SYBU: variants seen among roughly 807,000 people sequenced by gnomAD.
SYBU encodes the protein GOLSYN A protein.
A neutral mutation model predicts 35.9 loss-of-function variants in SYBU; 21 were observed. The observed-to-expected ratio is 0.58, with a 90% CI of 0.41 to 0.84. SYBU has a LOEUF of 0.84. SYBU is among the 40% of genes least tolerant of loss of function. The pLI is 0.00. For missense variants in SYBU, 768 were observed against 848.2 expected (o/e 0.91, Z 1.17); for synonymous variants, 319 against 324.3 (o/e 0.98, Z 0.18).
chr8:109,643,833 T>C (rs1563757855), intron 1 of SYBU, among the ~76,000 whole-genome samples: 1 of 152,190 alleles, frequency 6.6e-6, no homozygotes, highest in Non-Finnish European at 1.5e-5. Flanking sequence ...GTAGAGATGC[T>C]TAGGCAATTC....
At chr8:109,603,440 A>C (rs1429611327) in intron 3 of SYBU, 6 of 983,902 alleles carry the variant, frequency 6.1e-6, no homozygotes, top group Non-Finnish European at 7.2e-6. Context: ...TCTCACTCTC[A>C]GTGACATCTG....
At chr8:109,687,770 G>T (rs764882811) in intron 1 of SYBU, among the ~76,000 whole-genome samples, 10 of 152,126 alleles carry the variant, frequency 6.6e-5, no homozygotes, top group Non-Finnish European at 1.5e-4. Flanking sequence ...ATGTCACATG[G>T]TATTATTATA....
chr8:109,682,043 T>C (rs1425301650), upstream of SYBU, among the ~76,000 whole-genome samples: 1 of 152,200 alleles, frequency 6.6e-6, no homozygotes, highest in African/African-American at 2.4e-5. Flanking sequence ...CATCCAAAAC[T>C]GTGAGTCAAT....
rs142804732 is a variant in SYBU at position 109,591,942 on chromosome 8, C to T, written c.428-5780G>A. Reference sequence around the variant, plus strand: ...GCTCCTCTACTTGCTCTCTGTGGTGCCTTGAGGAATGAATTTACCCTCTCT... The same window carrying T: ...GCTCCTCTACTTGCTCTCTGTGGTGTCTTGAGGAATGAATTTACCCTCTCT... On this transcript the variant is annotated intron_variant, in intron 3 of 6. Coordinates refer to ENST00000276646, the MANE Select transcript of SYBU (RefSeq NM_001099754.2). Among the ~76,000 whole-genome samples, 228 of 151,660 alleles carry T rather than the reference C, an allele frequency of 1.5e-3. 2 individuals carry two copies. The highest frequency in any genetic ancestry group is 5.3e-3 in the African/African-American group (219 of 41,342).
intron 2 of SYBU, among the ~76,000 whole-genome samples, chr8:109,632,994 G>C (rs775165611): frequency 3.3e-5 from 5 of 152,140 alleles, no homozygotes; most frequent in Non-Finnish European, 5.9e-5. Context: ...ATAAATATTT[G>C]CTTCATGAAC....
At chr8:109,597,469 G>A (rs1825013691) in intron 3 of SYBU, among the ~76,000 whole-genome samples, 1 of 152,080 alleles carries the variant, frequency 6.6e-6, no homozygotes. Context: ...TGTAATCCCA[G>A]CACTTTGGGA....
Position 109,574,774 on chromosome 8 carries a change from A to T in SYBU, c.*132T>A. The T allele has an allele frequency of 9.7e-7, 1 of 1,026,276 alleles. No homozygotes were observed. Among genetic ancestry groups the T allele is most frequent in the Non-Finnish European group, 1.4e-6 (1 of 727,642 alleles). The allele number at this position is 1,026,276 out of a possible 1,614,324, so 63.6% of individuals were successfully genotyped here. A position where few individuals can be genotyped will look rare whatever the true frequency, so the allele number is the denominator to read the frequency against. ...TTTAAACAGTGAACAGGCTTCAACT[A>T]AATATAGTGCAAATCAAATACCAAG... On this transcript the variant is annotated 3_prime_UTR_variant, in exon 7 of 7. Transcript: ENST00000276646.
At chr8:109,679,327 C>T (rs888772769) in intron 1 of SYBU, among the ~76,000 whole-genome samples, 4 of 152,174 alleles carry the variant, frequency 2.6e-5, no homozygotes, top group Non-Finnish European at 4.4e-5. Flanking sequence ...AAATAGCCAA[C>T]GAGTAGCTCA....
In SYBU at chr8:109,574,549, C is replaced by G. The variant is rs1292924761; in HGVS notation, c.*357G>C. 5.2e-6 allele frequency: 1 copy of G among 193,702 alleles called. No homozygotes were observed. The highest frequency in any genetic ancestry group is 1.2e-4 in the East Asian group (1 of 8,222). 12.0% of individuals were successfully genotyped at this position (193,702 alleles called of 1,614,324 possible). ...GGAACAATTACACATTTTAAAACGG[C>G]AAAAAGCAAAGCAAGGAGATAACAT... On this transcript the variant is annotated 3_prime_UTR_variant, in exon 7 of 7. Transcript: ENST00000276646.
chr8:109,599,043 C>T (rs951258652), intron 3 of SYBU, among the ~76,000 whole-genome samples: 1 of 152,138 alleles, frequency 6.6e-6, no homozygotes, highest in Non-Finnish European at 1.5e-5. Flanking sequence ...TTTTGCCACC[C>T]TCACCCCCCA....
intron 1 of SYBU, among the ~76,000 whole-genome samples, chr8:109,654,255 G>A (rs1238597653): frequency 1.3e-5 from 2 of 152,068 alleles, no homozygotes; most frequent in Non-Finnish European, 2.9e-5. Flanking sequence ...CCTGCTCCTT[G>A]AACCAATCCC....
intron 1 of SYBU, among the ~76,000 whole-genome samples, chr8:109,644,373 C>T (rs1230281900): frequency 6.6e-6 from 1 of 152,122 alleles, no homozygotes; most frequent in East Asian, 1.9e-4. Context: ...GAAAGCTACA[C>T]CCCACAGTCC....
At chr8:109,600,545 A>C (rs1320379232) in intron 3 of SYBU, among the ~76,000 whole-genome samples, 1 of 152,240 alleles carries the variant, frequency 6.6e-6, no homozygotes, top group Admixed American at 6.5e-5. Flanking sequence ...TACCAAAAGA[A>C]CTTACATATA....
chr8:109,670,536 C>T (rs943375536), intron 1 of SYBU, among the ~76,000 whole-genome samples: 16 of 152,046 alleles, frequency 1.1e-4, no homozygotes, highest in Non-Finnish European at 2.4e-4. Flanking sequence ...TAAATACCTC[C>T]TGACCTTTAC....
At chr8:109,646,259 C>A (rs1273655867), upstream of SYBU, 4 of 152,212 alleles carry the variant, frequency 2.6e-5, no homozygotes, top group Non-Finnish European at 5.9e-5. Flanking sequence ...CAGTGTCCTA[C>A]ATAGGAGGAC....
intron 1 of SYBU, 65 bp downstream of exon 1, chr8:109,644,571 G>T (rs1815376532): frequency 6.6e-7 from 1 of 1,513,628 alleles, no homozygotes; most frequent in Non-Finnish European, 8.9e-7. Flanking sequence ...TCATCCCGCC[G>T]CTTCTCGCCC....
chr8:109,636,834 T>C (rs1214642897), intron 2 of SYBU, among the ~76,000 whole-genome samples: 2 of 152,210 alleles, frequency 1.3e-5, no homozygotes, highest in African/African-American at 4.8e-5. Context: ...GTTAAACCTA[T>C]TATGTAGACA....
chr8:109,667,620 T>G (rs1241008430), intron 1 of SYBU, among the ~76,000 whole-genome samples: 4 of 152,128 alleles, frequency 2.6e-5, no homozygotes, highest in Admixed American at 2.6e-4. Flanking sequence ...ACATTTCTTG[T>G]TTTTTATTGT....
chr8:109,578,535 T>C (rs1822629436), intron 5 of SYBU, among the ~76,000 whole-genome samples: 1 of 152,252 alleles, frequency 6.6e-6, no homozygotes, highest in African/African-American at 2.4e-5. Context: ...AGGTGAGCTG[T>C]AATAGAATTG....
Sources: allele counts gnomAD v4.1 joint callset (sites outside exome capture counted in the v4.1 genomes callset), GRCh38; gene constraint gnomAD v4.1.1; transcripts MANE v1.5; gene names NCBI Gene and HGNC (gene_info 2026-07-23, HGNC 2026-07-21).